The following SGIP1 variants were observed in gnomAD, a reference collection of about 807,000 sequenced individuals.
The protein encoded by SGIP1 is SH3GL interacting endocytic adaptor 1, also known as SH3-containing GRB2-like protein 3-interacting protein 1.
In SGIP1, 38 loss-of-function variants were observed where a neutral mutation model predicts 107.5. The ratio of observed to expected loss-of-function variants is 0.35; its 90% CI spans 0.27 to 0.46. The LOEUF is 0.46. SGIP1 is among the 20% of genes least tolerant of loss of function. SGIP1 has a pLI of 1.00. For missense variants in SGIP1, 929 were observed against 1,019.5 expected, an observed-to-expected ratio of 0.91 and a Z score of 1.21; for synonymous variants, 365 against 366.1, an observed-to-expected ratio of 1.00 and a Z score of 0.03.
intron 1 of SGIP1, among the ~76,000 whole-genome samples, chr1:66,625,094 A>G (rs1372743294): frequency 6.6e-6 from 1 of 152,212 alleles, no homozygotes; most frequent in Non-Finnish European, 1.5e-5. Flanking sequence ...AATAGGTGAT[A>G]CCATTTGATA....
intron 1 of SGIP1, among the ~76,000 whole-genome samples, chr1:66,584,864 G>A (rs1047601562): frequency 6.6e-6 from 1 of 152,130 alleles, no homozygotes; most frequent in Non-Finnish European, 1.5e-5. Flanking sequence ...GTGTTTTCCT[G>A]ACACCAGTGC....
chr1:66,681,079 G>A (rs969619928), intron 14 of SGIP1, among the ~76,000 whole-genome samples: 5 of 152,110 alleles, frequency 3.3e-5, no homozygotes, highest in African/African-American at 1.2e-4. Flanking sequence ...AGGTTGACAG[G>A]TTAGACTTAA....
Position 66,636,029 on chromosome 1 carries a change from T to G in SGIP1, c.171+14T>G, listed in dbSNP as rs2075712228. ...AAAAAAGTTTCGGTAAGGAAACAGA[T>G]TTTAGTTTAAAATTTCCAAAGGGTT... is the stretch of plus-strand genomic sequence containing the variant. On this transcript the variant is annotated intron_variant, in intron 4 of 24. Coordinates refer to ENST00000371037, the MANE Select transcript of SGIP1 (RefSeq NM_032291.4). 6.2e-7 allele frequency: 1 copy of G among 1,611,724 alleles called. No individual in the cohort carries two copies. Among genetic ancestry groups the G allele is most frequent in the African/African-American group, 1.3e-5 (1 of 74,912 alleles).
At chr1:66,552,343 G>A (rs901391822) in intron 1 of SGIP1, among the ~76,000 whole-genome samples, 1 of 152,044 alleles carries the variant, frequency 6.6e-6, no homozygotes, top group African/African-American at 2.4e-5. Context: ...CAATTTCTGG[G>A]GCTATGCTAC....
chr1:66,708,333 A>T (rs2092670528), intron 18 of SGIP1, among the ~76,000 whole-genome samples: 1 of 152,184 alleles, frequency 6.6e-6, no homozygotes, highest in African/African-American at 2.4e-5. Context: ...CATATTCTTC[A>T]TAGTGCCATG....
chr1:66,655,752 G>A (rs1307456787), intron 7 of SGIP1, among the ~76,000 whole-genome samples: 6 of 151,916 alleles, frequency 3.9e-5, no homozygotes, highest in Non-Finnish European at 7.4e-5. Context: ...TAAATGGTAT[G>A]CCTGTATAAG....
At chr1:66,573,300 T>C (rs1375135443) in intron 1 of SGIP1, among the ~76,000 whole-genome samples, 1 of 152,148 alleles carries the variant, frequency 6.6e-6, no homozygotes, top group Non-Finnish European at 1.5e-5. Context: ...AAGAAATGCT[T>C]ATAAACTGTT....
At chr1:66,617,787 G>A (rs914618812) in intron 1 of SGIP1, among the ~76,000 whole-genome samples, 2 of 152,108 alleles carry the variant, frequency 1.3e-5, no homozygotes, top group African/African-American at 2.4e-5. Context: ...CAGCCTTTGT[G>A]TATAAGAAAT....
chr1:66,681,179 C>T (rs1467346619), intron 14 of SGIP1, among the ~76,000 whole-genome samples: 1 of 152,056 alleles, frequency 6.6e-6, no homozygotes, highest in East Asian at 1.9e-4. Context: ...TAGCAAATGC[C>T]TCCTCAATAA....
chr1:66,714,585 G>T (rs1021764172), intron 18 of SGIP1, among the ~76,000 whole-genome samples: 4 of 152,058 alleles, frequency 2.6e-5, no homozygotes, highest in African/African-American at 9.7e-5. Context: ...TGTTTTCAGG[G>T]CAGTTTATTT....
intron 1 of SGIP1, among the ~76,000 whole-genome samples, chr1:66,563,889 A>G (rs776339398): frequency 6.6e-6 from 1 of 152,022 alleles, no homozygotes; most frequent in Admixed American, 6.6e-5. Context: ...GAAAGCTACT[A>G]TCCCTTACTG....
At chr1:66,666,600 A>G (rs1296581125) in intron 8 of SGIP1, 1 of 152,454 alleles carries the variant, frequency 6.6e-6, no homozygotes, top group Non-Finnish European at 1.5e-5. Flanking sequence ...CTTCCTATCC[A>G]TGAGCATGGA....
chr1:66,630,872 A>G (rs534801190), intron 2 of SGIP1, among the ~76,000 whole-genome samples: 3 of 57,046 alleles, frequency 5.3e-5, no homozygotes, highest in Admixed American at 1.9e-4. Flanking sequence ...AGAAAGAAAG[A>G]AAGAAAGAAA....
At chr1:66,626,699 C>A (rs898617350) in intron 2 of SGIP1, among the ~76,000 whole-genome samples, 5 of 152,206 alleles carry the variant, frequency 3.3e-5, no homozygotes, top group African/African-American at 4.8e-5. Flanking sequence ...GAACTTGAGA[C>A]TCCAGCCCAA....
At chr1:66,625,811 TGA>T in intron 1 of SGIP1, 34 bp from the exon 2 acceptor site, 2 of 1,587,744 alleles carry the variant, frequency 1.3e-6, no homozygotes, top group Non-Finnish European at 1.7e-6. Context: ...TGAATGTTGC[TGA>T]GAGAGTTTTT....
rs568988322 is a variant in SGIP1 at position 66,633,235 on chromosome 1, A to G, written c.99+141A>G. 1.8e-5 allele frequency: 12 copies of G among 661,092 alleles called. No homozygotes were observed. The African/African-American group carries it at 2.2e-4, about 12-fold the overall frequency. 41.0% of individuals were successfully genotyped at this position (661,092 alleles called of 1,614,324 possible). ...GGACCTCTCACTATTGGAATTTTCT[A>G]TATTAATTGCATGGGACATAAACAT... is the stretch of plus-strand genomic sequence containing the variant. On this transcript the variant is annotated intron_variant, in intron 3 of 24. Transcript: ENST00000371037.
At chr1:66,689,424 C>T (rs2089308918) in intron 16 of SGIP1, 149 bp downstream of exon 16, 2 of 986,458 alleles carry the variant, frequency 2.0e-6, no homozygotes, top group South Asian at 4.0e-5. Flanking sequence ...TATGAGTGTA[C>T]ATTTCAACCC....
At chr1:66,577,799 T>TGTGTGTGC (rs2061285333) in intron 1 of SGIP1, among the ~76,000 whole-genome samples, 1 of 137,470 alleles carries the variant, frequency 7.3e-6, no homozygotes, top group South Asian at 2.5e-4. Flanking sequence ...TGTGTGTGTG[T>TGTGTGTGC]GTTGCATACC....
At chr1:66,736,035 T>C (rs2094218797) in intron 21 of SGIP1, among the ~76,000 whole-genome samples, 2 of 150,496 alleles carry the variant, frequency 1.3e-5, no homozygotes, top group South Asian at 4.2e-4. Context: ...CAAATGCTGG[T>C]TCTGAATTGA....
Sources: allele counts gnomAD v4.1 joint callset (sites outside exome capture counted in the v4.1 genomes callset), GRCh38; gene constraint gnomAD v4.1.1; transcripts MANE v1.5; gene names NCBI Gene and HGNC (gene_info 2026-07-23, HGNC 2026-07-21).